GPATCH2: variants seen among roughly 807,000 people sequenced by gnomAD.
The protein encoded by GPATCH2 is G patch domain-containing protein 2.
In GPATCH2, 51 loss-of-function variants were observed where a neutral mutation model predicts 58.0. That is an observed-to-expected ratio of 0.88 (90% confidence interval 0.70 to 1.11). The LOEUF (loss-of-function observed/expected upper bound fraction) is 1.11, where lower values mean the gene tolerates loss of function less well. GPATCH2 is among the 50% of genes most tolerant of loss of function. The pLI is 0.00. For missense variants in GPATCH2, 625 were observed against 652.2 expected (o/e 0.96, Z 0.45); for synonymous variants, 222 against 218.5 (o/e 1.02, Z -0.14).
At chr1:217,613,947 A>G (rs1406232346) in intron 3 of GPATCH2, among the ~76,000 whole-genome samples, 194 bp downstream of exon 3, 1 of 152,120 alleles carries the variant, frequency 6.6e-6, no homozygotes, top group Non-Finnish European at 1.5e-5. Flanking sequence ...GAGATAATCA[A>G]TTACTTAGGT....
chr1:217,573,203 C>G (rs1376328746), intron 5 of GPATCH2, among the ~76,000 whole-genome samples: 1 of 152,188 alleles, frequency 6.6e-6, no homozygotes, highest in Non-Finnish European at 1.5e-5. Context: ...TCTCCGTACC[C>G]TCCAATGGCT....
At chr1:217,569,353 G>A (rs899115992) in intron 5 of GPATCH2, among the ~76,000 whole-genome samples, 6 of 152,058 alleles carry the variant, frequency 3.9e-5, no homozygotes, top group African/African-American at 1.4e-4. Flanking sequence ...AGAGGGTGGG[G>A]TGGATATGTG....
In GPATCH2 at chr1:217,524,185, C is replaced by A. The variant is rs576851911; in HGVS notation, c.1099-9296G>T. ...GAGGCTCCTCACTTCTCAGACGGGG[C>A]GGCTGCTGGGCGGAGGGGCTCCTCA... On this transcript the variant is annotated intron_variant, in intron 5 of 9. Transcript: ENST00000366935. 6.6e-4 allele frequency among the ~76,000 whole-genome samples: 91 copies of A among 137,188 alleles called. 1 individual carries two copies. In the Middle Eastern group the frequency reaches 0.02, roughly 31 times the overall value. The allele number at this position is 137,188 out of a possible 152,430, so 90.0% of individuals were successfully genotyped here.
chr1:217,491,648 G>A (rs767028329), intron 8 of GPATCH2, 32 bp downstream of exon 8: 3 of 1,047,544 alleles, frequency 2.9e-6, no homozygotes, highest in Non-Finnish European at 4.4e-6. Flanking sequence ...AAAAGAAAAT[G>A]AATGAATAAA....
At chr1:217,626,796 G>A (rs1330847951) in intron 1 of GPATCH2, among the ~76,000 whole-genome samples, 2 of 151,934 alleles carry the variant, frequency 1.3e-5, no homozygotes, top group Non-Finnish European at 2.9e-5. Context: ...ACTAAATGTC[G>A]ACACTTATGC....
At chr1:217,539,483 C>T (rs1467716194) in intron 5 of GPATCH2, among the ~76,000 whole-genome samples, 1 of 152,150 alleles carries the variant, frequency 6.6e-6, no homozygotes, top group Admixed American at 6.5e-5. Context: ...TCTTGTCCTA[C>T]AAACAATTTT....
intron 5 of GPATCH2, among the ~76,000 whole-genome samples, chr1:217,546,894 AG>A (rs869061862): frequency 2.0e-5 from 3 of 152,226 alleles, no homozygotes; most frequent in African/African-American, 7.2e-5. Context: ...CAAATTTACA[AG>A]AAAAAAACCC....
intron 6 of GPATCH2, among the ~76,000 whole-genome samples, chr1:217,502,767 T>C (rs1662367608): frequency 6.6e-6 from 1 of 152,116 alleles, no homozygotes; most frequent in Non-Finnish European, 1.5e-5. Flanking sequence ...TGGTGGAAAC[T>C]TACAGGTTTA....
intron 9 of GPATCH2, among the ~76,000 whole-genome samples, chr1:217,447,831 G>A (rs997591544): frequency 2.0e-5 from 3 of 152,094 alleles, no homozygotes; most frequent in South Asian, 2.1e-4. Context: ...GGTGGCTCAC[G>A]AGCCACCTGT....
At chr1:217,467,211 A>C (rs1231329885) in intron 8 of GPATCH2, among the ~76,000 whole-genome samples, 2 of 152,196 alleles carry the variant, frequency 1.3e-5, no homozygotes, top group Non-Finnish European at 2.9e-5. Context: ...GGGAAGAAAC[A>C]AATGGAGGGA....
In GPATCH2 at chr1:217,428,724, A is replaced by G. The variant is rs1402821858; in HGVS notation, c.*2421T>C. 1 of 152,220 alleles carries G rather than the reference A, an allele frequency of 6.6e-6. No homozygotes were observed. The highest frequency in any genetic ancestry group is 1.5e-5 in the Non-Finnish European group (1 of 68,032). 9.4% of individuals were successfully genotyped at this position (152,220 alleles called of 1,614,324 possible). ...ATCACATAGAGGGCTCTAGGTGTCA[A>G]GATGAAGAAGAACTGTCTTCTATTA... On this transcript the variant is annotated 3_prime_UTR_variant, in exon 10 of 10. Transcript: ENST00000366935.
At chr1:217,596,664 ATAT>A (rs1394745863) in intron 5 of GPATCH2, among the ~76,000 whole-genome samples, 1 of 152,290 alleles carries the variant, frequency 6.6e-6, no homozygotes, top group African/African-American at 2.4e-5. Flanking sequence ...CTATAATGAA[ATAT>A]TATACTGCCA....
chr1:217,628,418 G>A (rs1669564313), intron 1 of GPATCH2, among the ~76,000 whole-genome samples: 1 of 151,896 alleles, frequency 6.6e-6, no homozygotes, highest in South Asian at 2.1e-4. Context: ...TGAATTACTT[G>A]AACAAAATCA....
chr1:217,555,290 A>G (rs890292404), intron 5 of GPATCH2, among the ~76,000 whole-genome samples: 3 of 152,198 alleles, frequency 2.0e-5, no homozygotes, highest in Admixed American at 6.5e-5. Flanking sequence ...TCAGAGTCTA[A>G]TGATGTTCAA....
intron 8 of GPATCH2, among the ~76,000 whole-genome samples, chr1:217,473,420 A>T (rs1184529027): frequency 6.6e-6 from 1 of 152,126 alleles, no homozygotes; most frequent in African/African-American, 2.4e-5. Context: ...AGTTTTTTTA[A>T]AAAAATAACA....
intron 5 of GPATCH2, among the ~76,000 whole-genome samples, chr1:217,607,710 T>C (rs1668427464): frequency 6.6e-6 from 1 of 152,238 alleles, no homozygotes; most frequent in Non-Finnish European, 1.5e-5. Context: ...AATTCAATGT[T>C]TTCAGCAAGT....
At position 217,583,697 on chromosome 1, in the gene GPATCH2, TA is replaced by T. The variant is rs202092775; in HGVS notation, c.1098+26623del. ...ATTCTCAGATACAGGAAGCACAACA[TA>T]AAAAAAAGCAGGATAAATAAATTTA... On this transcript the variant is annotated intron_variant, in intron 5 of 9. Transcript: ENST00000366935. 3.5e-4 allele frequency among the ~76,000 whole-genome samples: 53 copies of T among 149,488 alleles called. No individual in the cohort carries two copies. In the East Asian group the frequency reaches 8.1e-3, roughly 23 times the overall value.
intron 5 of GPATCH2, among the ~76,000 whole-genome samples, chr1:217,523,305 G>A (rs1428518966): frequency 6.6e-6 from 1 of 151,628 alleles, no homozygotes; most frequent in Non-Finnish European, 1.5e-5. Context: ...GTTTTCCTAG[G>A]CAGAGGACCC....
chr1:217,469,964 A>G (rs1164248056), intron 8 of GPATCH2, among the ~76,000 whole-genome samples: 1 of 152,178 alleles, frequency 6.6e-6, no homozygotes, highest in Non-Finnish European at 1.5e-5. Context: ...TTTGGGAAAT[A>G]TTCTGGCACT....
Sources: allele counts gnomAD v4.1 joint callset (sites outside exome capture counted in the v4.1 genomes callset), GRCh38; gene constraint gnomAD v4.1.1; transcripts MANE v1.5; gene names NCBI Gene and HGNC (gene_info 2026-07-23, HGNC 2026-07-21).